Variants in CSMD2 observed in about 807,000 individuals in gnomAD.
CSMD2 encodes the protein CUB and Sushi multiple domains 2.
Under a neutral mutation model 398.5 loss-of-function variants are expected in CSMD2, and 130 were observed. The observed-to-expected ratio is 0.33, with a 90% CI of 0.28 to 0.38. The LOEUF (loss-of-function observed/expected upper bound fraction) is 0.38. Among genes scored for constraint, CSMD2 ranks in the 10% least tolerant of loss-of-function variants. CSMD2 has a pLI of 1.00. For missense variants in CSMD2, 3,829 were observed against 4,764.9 expected (o/e 0.80, Z 5.78); for synonymous variants, 1,828 against 1,908.5 (o/e 0.96, Z 1.10).
intron 1 of CSMD2, among the ~76,000 whole-genome samples, chr1:34,142,367 C>A (rs945201192): frequency 3.3e-5 from 5 of 152,202 alleles, no homozygotes; most frequent in Non-Finnish European, 7.3e-5. Flanking sequence ...TCTCTGCCCC[C>A]TCAGTCTCCT....
chr1:33,595,446 A>G (rs532825742), intron 44 of CSMD2, among the ~76,000 whole-genome samples: 11 of 152,172 alleles, frequency 7.2e-5, no homozygotes, highest in Admixed American at 2.6e-4. Flanking sequence ...AGTCTTCTCC[A>G]CTTCTTTTTC....
chr1:33,755,418 T>C lies in CSMD2; in HGVS notation c.1847-11812A>G, dbSNP rs115574000. Among the ~76,000 whole-genome samples the C allele has an allele frequency of 3.8e-3, 578 of 152,344 alleles. 7 individuals carry two copies. Among genetic ancestry groups the C allele is most frequent in the African/African-American group, 0.013 (551 of 41,582 alleles). On this transcript the variant is annotated intron_variant, in intron 13 of 70. Coordinates refer to ENST00000373381, the MANE Select transcript of CSMD2 (RefSeq NM_001281956.2). ...CCTGCATCAGGGCAAAGCTAGTTAC[T>C]GGGCAGGGCTTATCCTTATCATAAA...
intron 36 of CSMD2, among the ~76,000 whole-genome samples, chr1:33,622,963 A>G (rs551276123): frequency 1.3e-5 from 2 of 152,264 alleles, no homozygotes; most frequent in Non-Finnish European, 2.9e-5. Context: ...CTGTCCTTAC[A>G]ATGAAGTGCT....
chr1:33,873,203 C>T (rs1003534365), intron 5 of CSMD2, among the ~76,000 whole-genome samples: 2 of 152,138 alleles, frequency 1.3e-5, no homozygotes, highest in African/African-American at 4.8e-5. Flanking sequence ...AGTTGGTGCT[C>T]CCACGGGAGG....
At chr1:34,019,002 G>C (rs1209242906) in intron 3 of CSMD2, among the ~76,000 whole-genome samples, 1 of 152,184 alleles carries the variant, frequency 6.6e-6, no homozygotes, top group Non-Finnish European at 1.5e-5. Context: ...AAGTCAAACT[G>C]TCTGGATTCA....
intron 3 of CSMD2, among the ~76,000 whole-genome samples, chr1:33,998,708 T>C (rs987228478): frequency 6.6e-6 from 1 of 152,182 alleles, no homozygotes; most frequent in African/African-American, 2.4e-5. Context: ...GTAATCAGCA[T>C]CTAGTACACA....
At chr1:33,618,033 G>GAGAGACAGAGAA (rs1641512366) in intron 37 of CSMD2, among the ~76,000 whole-genome samples, 1 of 54,282 alleles carries the variant, frequency 1.8e-5, no homozygotes, top group Admixed American at 2.0e-4. Flanking sequence ...GAGACAGAGA[G>GAGAGACAGAGAA]AGAGAGAGGG....
intron 5 of CSMD2, among the ~76,000 whole-genome samples, chr1:33,857,820 A>C (rs1639209759): frequency 6.6e-6 from 1 of 152,222 alleles, no homozygotes. Context: ...CTAGGCAGAC[A>C]AAACAAAAGA....
chr1:33,752,928 C>T lies in CSMD2; in HGVS notation c.1847-9322G>A, dbSNP rs142491585. ...TTTGCAAGTTTGAACTTAAGAGTGACGACCTAGGGTATCTGATGGAAAAAA... is the reference window on the plus strand; with the variant it reads ...TTTGCAAGTTTGAACTTAAGAGTGATGACCTAGGGTATCTGATGGAAAAAA... On this transcript the variant is annotated intron_variant, in intron 13 of 70. Transcript: ENST00000373381. 4.6e-3 allele frequency among the ~76,000 whole-genome samples: 705 copies of T among 152,280 alleles called. 8 individuals carry two copies. In the Middle Eastern group the frequency reaches 0.051, roughly 11 times the overall value.
intron 1 of CSMD2, among the ~76,000 whole-genome samples, chr1:34,110,104 C>T (rs1294597410): frequency 6.8e-6 from 1 of 146,278 alleles, no homozygotes; most frequent in Non-Finnish European, 1.5e-5. Context: ...AGCTCAATAT[C>T]ATTGATCATT....
intron 5 of CSMD2, among the ~76,000 whole-genome samples, chr1:33,847,627 C>T (rs1157960131): frequency 1.3e-5 from 2 of 152,088 alleles, no homozygotes; most frequent in East Asian, 3.9e-4. Context: ...CTTTGTCTTC[C>T]TCTGTGATGC....
chr1:33,606,884 CAAGA>C (rs1640650606), intron 41 of CSMD2, among the ~76,000 whole-genome samples: 2 of 152,098 alleles, frequency 1.3e-5, no homozygotes, highest in Admixed American at 1.3e-4. Flanking sequence ...TGTTCCCCTG[CAAGA>C]AGCTTCAAAG....
chr1:33,575,382 C>T (rs1164951753), intron 49 of CSMD2, among the ~76,000 whole-genome samples: 3 of 152,248 alleles, frequency 2.0e-5, no homozygotes, highest in Middle Eastern at 3.4e-3. Flanking sequence ...ATTAACAATC[C>T]ACTTGAAAGG....
chr1:33,633,713 G>C lies in CSMD2; in HGVS notation c.5087-178C>G, dbSNP rs1038582649. On this transcript the variant is annotated intron_variant, in intron 31 of 70. Transcript: ENST00000373381. The surrounding 1 kb of genome is among the most constrained non-coding windows in gnomAD (Gnocchi z 5.0). ...ACAGTCTGGCAGTGGCCAGACACCC[G>C]GCACAGGGAGGCGGGGAGCTGGGAA... Among the ~76,000 whole-genome samples the C allele has an allele frequency of 6.6e-6, 1 of 152,142 alleles. No individual in the cohort carries two copies. The highest frequency in any genetic ancestry group is 1.5e-5 in the Non-Finnish European group (1 of 68,024).
intron 1 of CSMD2, among the ~76,000 whole-genome samples, chr1:34,120,326 GCGT>G (rs1275612300): frequency 2.6e-5 from 4 of 152,200 alleles, no homozygotes; most frequent in South Asian, 2.1e-4. Context: ...AATGGGTGTA[GCGT>G]TGTTGCAGTT....
At chr1:33,769,523 A>G (rs548854224) in intron 13 of CSMD2, among the ~76,000 whole-genome samples, 2 of 152,322 alleles carry the variant, frequency 1.3e-5, no homozygotes, top group South Asian at 2.1e-4. Context: ...TCATCTTCTT[A>G]AAAACCTAAA....
At chr1:33,768,350 T>C (rs1045901580) in intron 13 of CSMD2, among the ~76,000 whole-genome samples, 1 of 152,164 alleles carries the variant, frequency 6.6e-6, no homozygotes, top group Admixed American at 6.5e-5. Context: ...CGGGTGCTAC[T>C]GGTAGATGAC....
intron 1 of CSMD2, among the ~76,000 whole-genome samples, chr1:34,161,689 G>A (rs1382866891): frequency 1.3e-5 from 2 of 152,186 alleles, no homozygotes; most frequent in African/African-American, 2.4e-5. Context: ...TCATCCTGGA[G>A]ACAGAGGTTG....
At position 33,564,900 on chromosome 1, in the gene CSMD2, A is replaced by G. The variant is rs6681899; in HGVS notation, c.8380+2693T>C. Among the ~76,000 whole-genome samples the G allele has an allele frequency of 3.3e-3, 501 of 152,370 alleles. 5 individuals carry two copies. The highest frequency in any genetic ancestry group is 2.1e-3 in the Non-Finnish European group (145 of 68,038). On this transcript the variant is annotated intron_variant, in intron 53 of 70. Coordinates refer to ENST00000373381, the MANE Select transcript of CSMD2 (RefSeq NM_001281956.2). ...AAAGGCTCACTTTAGGGAAATTTAA[A>G]AAGTGAAGAATTATCCAAATTACTT...
Sources: gnomAD v4.1 joint callset for allele counts (sites outside exome capture counted in the v4.1 genomes callset) on GRCh38, gnomAD v4.1.1 for gene constraint, Gnocchi (gnomAD v3.1) non-coding constraint, MANE v1.5 for transcripts, NCBI Gene and HGNC (gene_info 2026-07-23, HGNC 2026-07-21) for gene names.